Variants in TRPM8 observed in about 807,000 individuals in gnomAD.
The protein encoded by TRPM8 is transient receptor potential cation channel subfamily M member 8, also known as TRPM8 cationic channel.
A neutral mutation model predicts 133.7 loss-of-function variants in TRPM8; 110 were observed. That is an observed-to-expected ratio of 0.82 (90% confidence interval 0.70 to 0.96). The LOEUF (loss-of-function observed/expected upper bound fraction) is 0.96, where lower values mean the gene tolerates loss of function less well. Among genes scored for constraint, TRPM8 ranks in the 40% least tolerant of loss-of-function variants. TRPM8 has a pLI of 0.00. For missense variants in TRPM8, 1,291 were observed against 1,379.5 expected (o/e 0.94, Z 1.02); for synonymous variants, 535 against 532.3 (o/e 1.01, Z -0.07).
intron 19 of TRPM8, 136 bp downstream of exon 19, chr2:233,982,051 T>G: frequency 1.0e-6 from 1 of 977,808 alleles, no homozygotes; most frequent in Non-Finnish European, 1.4e-6. Flanking sequence ...TTTGATGTAT[T>G]TCATCAGGGG....
intron 9 of TRPM8, chr2:233,953,637 C>A: frequency 4.2e-6 from 1 of 236,290 alleles, no homozygotes; most frequent in Admixed American, 5.5e-5. Context: ...ATGTGCCAGG[C>A]TTTGTGACAC....
chr2:233,978,900 G>T (rs557265313), intron 17 of TRPM8, among the ~76,000 whole-genome samples: 1 of 152,254 alleles, frequency 6.6e-6, no homozygotes, highest in Admixed American at 6.5e-5. Flanking sequence ...ATAAATGAAG[G>T]AAAGGAAATG....
At chr2:233,928,997 C>CTTTTTT (rs750819533) in intron 2 of TRPM8, among the ~76,000 whole-genome samples, 29 of 117,780 alleles carry the variant, frequency 2.5e-4, no homozygotes, top group African/African-American at 1.1e-3. Context: ...AGTTTCTTTT[C>CTTTTTT]TTTTTTTTTT....
At chr2:233,940,556 G>A (rs1364614232) in intron 5 of TRPM8, among the ~76,000 whole-genome samples, 1 of 152,182 alleles carries the variant, frequency 6.6e-6, no homozygotes, top group Non-Finnish European at 1.5e-5. Context: ...CTGGGCTGGG[G>A]CGCCTCTTTC....
chr2:233,982,537 G>A (rs1692036325), intron 19 of TRPM8, among the ~76,000 whole-genome samples: 2 of 152,066 alleles, frequency 1.3e-5, no homozygotes, highest in African/African-American at 4.8e-5. Flanking sequence ...TGAGTTTGTG[G>A]TTTTAATTCA....
At chr2:233,972,492 G>A (rs1266557519) in intron 17 of TRPM8, among the ~76,000 whole-genome samples, 1 of 152,224 alleles carries the variant, frequency 6.6e-6, no homozygotes, top group East Asian at 1.9e-4. Flanking sequence ...TTGGGTGGTC[G>A]ATGGGACTGG....
At chr2:233,929,896 T>G (rs1691647073) in intron 2 of TRPM8, 1 of 152,222 alleles carries the variant, frequency 6.6e-6, no homozygotes, top group Admixed American at 6.5e-5. Flanking sequence ...TGGTTTTCCT[T>G]TGCATTTGCT....
At chr2:233,984,320 C>T (rs936276334) in intron 20 of TRPM8, among the ~76,000 whole-genome samples, 4 of 152,146 alleles carry the variant, frequency 2.6e-5, no homozygotes, top group African/African-American at 9.7e-5. Context: ...AGAGGCCAGA[C>T]GTTTGTACCC....
Position 233,991,160 on chromosome 2 carries a change from G to A in TRPM8, c.2940-5166G>A, listed in dbSNP as rs186175097. On this transcript the variant is annotated intron_variant, in intron 21 of 25. Transcript: ENST00000324695. ...CCGGGGAGGGTGGAAATGTAGGCAG[G>A]GGCTAGGTTATGGAGAGTCTTTTAT... is the stretch of plus-strand genomic sequence containing the variant. Among the ~76,000 whole-genome samples the A allele has an allele frequency of 5.9e-4, 90 of 152,188 alleles. 1 individual carries two copies. The highest frequency in any genetic ancestry group is 1.9e-3 in the East Asian group (10 of 5,184).
intron 24 of TRPM8, chr2:234,013,759 A>G (rs551245751): frequency 3.1e-4 from 47 of 152,300 alleles, no homozygotes; most frequent in African/African-American, 1.1e-3. Context: ...ACCAGAAAAC[A>G]AAGTTATTTA....
rs28901606 is a variant in TRPM8, at chr2:233,925,380, G to C, written c.-5-1153G>C. The stretch of plus-strand genomic sequence containing the variant: ...CCACAGCTTGGTGCAGGTTGAAGGG[G>C]CTACACAGGCAGGTGAGCACTTGCT... On this transcript the variant is annotated intron_variant, in intron 1 of 25. Transcript: ENST00000324695. 0.011 allele frequency among the ~76,000 whole-genome samples: 1,636 copies of C among 152,272 alleles called. 47 individuals are homozygous for C. The East Asian group carries it at 0.11, about 10-fold the overall frequency.
chr2:234,006,277 T>G (rs17869070), intron 22 of TRPM8, among the ~76,000 whole-genome samples: 8,542 of 152,196 alleles, frequency 0.056, 293 homozygotes, highest in East Asian at 0.11. Context: ...TCAGGCACCA[T>G]AAGGAATTGA....
In TRPM8 at chr2:233,964,539, G is replaced by T. The variant is rs1340242952; in HGVS notation, c.1750-89G>T. ...AGCACTCCAGCCTGGGTCACAGAGTGAGACTCCGTCTCAAAAAAAAAAAAA... is the reference window on the plus strand; with the variant it reads ...AGCACTCCAGCCTGGGTCACAGAGTTAGACTCCGTCTCAAAAAAAAAAAAA... On this transcript the variant is annotated intron_variant, in intron 13 of 25. Transcript: ENST00000324695. 46 of 1,100,902 alleles carry T rather than the reference G, an allele frequency of 4.2e-5. 1 individual carries two copies. Among genetic ancestry groups the T allele is most frequent in the Admixed American group, 2.0e-4 (5 of 24,772 alleles). The allele number at this position is 1,100,902 out of a possible 1,614,324, so 68.2% of individuals were successfully genotyped here. A position where few individuals can be genotyped will look rare whatever the true frequency, so the allele number is the denominator to read the frequency against.
At chr2:233,963,242 T>C in intron 12 of TRPM8, 40 bp from the exon 13 acceptor site, 1 of 1,438,014 alleles carries the variant, frequency 7.0e-7, no homozygotes, top group Non-Finnish European at 9.7e-7. Context: ...CCAGAACAGT[T>C]TCCATTTGCA....
At chr2:233,949,621 CA>C (rs985845555) in intron 8 of TRPM8, among the ~76,000 whole-genome samples, 11 of 152,244 alleles carry the variant, frequency 7.2e-5, no homozygotes, top group Admixed American at 2.6e-4. Flanking sequence ...ACATGTCACT[CA>C]AATCTATTAT....
At chr2:233,973,003 T>TG (rs1295386295) in intron 17 of TRPM8, among the ~76,000 whole-genome samples, 9 of 152,240 alleles carry the variant, frequency 5.9e-5, no homozygotes, top group Non-Finnish European at 2.9e-5. Flanking sequence ...GCGAGGGCTG[T>TG]GAGGACTGCC....
chr2:233,934,255 T>C (rs1691742182), intron 3 of TRPM8, among the ~76,000 whole-genome samples: 1 of 152,174 alleles, frequency 6.6e-6, no homozygotes, highest in Non-Finnish European at 1.5e-5. Flanking sequence ...CCTCCACCTC[T>C]CCCTGCACAC....
chr2:233,977,250 G>A (rs1367296790), intron 17 of TRPM8, among the ~76,000 whole-genome samples: 1 of 152,162 alleles, frequency 6.6e-6, no homozygotes, highest in Non-Finnish European at 1.5e-5. Flanking sequence ...CCTTCACGGA[G>A]GGCACCATTC....
chr2:234,000,213 T>C (rs964261094), intron 22 of TRPM8, among the ~76,000 whole-genome samples: 4 of 151,622 alleles, frequency 2.6e-5, no homozygotes, highest in Non-Finnish European at 2.9e-5. Flanking sequence ...TGGGTTCAAG[T>C]GATTCTCCTG....
Sources: gnomAD v4.1 joint callset for allele counts (sites outside exome capture counted in the v4.1 genomes callset) on GRCh38, gnomAD v4.1.1 for gene constraint, MANE v1.5 for transcripts, NCBI Gene and HGNC (gene_info 2026-07-23, HGNC 2026-07-21) for gene names.